ITGA9: variants seen among roughly 807,000 people sequenced by gnomAD.
ITGA9 encodes integrin subunit alpha 9.
In ITGA9, 56 loss-of-function variants were observed where a neutral mutation model predicts 127.8. The ratio of observed to expected loss-of-function variants is 0.44; its 90% CI spans 0.35 to 0.55. The LOEUF (loss-of-function observed/expected upper bound fraction) is 0.55. Ranked by LOEUF, ITGA9 falls within the 20% of genes least tolerant of loss-of-function variation. The pLI, the probability that ITGA9 is intolerant of heterozygous loss-of-function variation, is 0.00. For synonymous variants in ITGA9, 508 were observed against 514.5 expected, an observed-to-expected ratio of 0.99 and a Z score of 0.17; for missense variants, 1,196 against 1,347.1, an observed-to-expected ratio of 0.89 and a Z score of 1.76.
chr3:37,647,742 T>C lies in ITGA9; in HGVS notation c.1840-5972T>C, dbSNP rs145299346. ...ATCATACAATATTTTTCTTTCTTTT[T>C]GTGACTTGTTTCACTTAGCATAATG... is the stretch of plus-strand genomic sequence containing the variant. On this transcript the variant is annotated intron_variant, in intron 16 of 27. Coordinates refer to ENST00000264741, the MANE Select transcript of ITGA9 (RefSeq NM_002207.3). 8.5e-5 allele frequency among the ~76,000 whole-genome samples: 13 copies of C among 152,296 alleles called. No individual in the cohort carries two copies. In the East Asian group the frequency reaches 2.3e-3, roughly 27 times the overall value.
Position 37,452,219 on chromosome 3 carries a change from T to TCCGCGCCCCGGTGGCGGGCCCGACGC in ITGA9, c.-151_-126dup, listed in dbSNP as rs1192804270. ...CCTTCAGCGCCCGCTCAGCCCGCCG[T>TCCGCGCCCCGGTGGCGGGCCCGACGC]CCGCGCCCCGGTGGCGGGCCCGACG... On this transcript the variant is annotated 5_prime_UTR_variant, in exon 1 of 28. Transcript: ENST00000264741. The surrounding 1 kb of genome is among the most constrained non-coding windows in gnomAD (Gnocchi z 7.3). 7.0e-5 allele frequency: 15 copies of TCCGCGCCCCGGTGGCGGGCCCGACGC among 214,708 alleles called. No homozygotes were observed. Among genetic ancestry groups the TCCGCGCCCCGGTGGCGGGCCCGACGC allele is most frequent in the Admixed American group, 2.0e-4 (3 of 15,244 alleles). The allele number at this position is 214,708 out of a possible 1,614,324, so 13.3% of individuals were successfully genotyped here. A position where few individuals can be genotyped will look rare whatever the true frequency, so the allele number is the denominator to read the frequency against.
intron 13 of ITGA9, among the ~76,000 whole-genome samples, chr3:37,529,219 T>C (rs1368397193): frequency 6.6e-6 from 1 of 152,146 alleles, no homozygotes; most frequent in Non-Finnish European, 1.5e-5. Context: ...TTATCCCCAT[T>C]TTATGGGTGA....
intron 1 of ITGA9, among the ~76,000 whole-genome samples, chr3:37,462,681 AAGG>A (rs1367521452): frequency 6.6e-6 from 1 of 152,164 alleles, no homozygotes; most frequent in African/African-American, 2.4e-5. Context: ...TCTAAGGAAA[AAGG>A]AGAAGGGCCC....
intron 16 of ITGA9, among the ~76,000 whole-genome samples, chr3:37,637,208 A>G (rs1165687831): frequency 6.6e-6 from 1 of 152,094 alleles, no homozygotes; most frequent in African/African-American, 2.4e-5. Flanking sequence ...CATTGAATCT[A>G]TAAATTACCT....
intron 1 of ITGA9, among the ~76,000 whole-genome samples, chr3:37,455,816 G>C (rs942598176): frequency 6.6e-6 from 1 of 152,166 alleles, no homozygotes; most frequent in Non-Finnish European, 1.5e-5. Flanking sequence ...TAGGGGGAGA[G>C]CACAGACCCC....
chr3:37,803,618 C>T (rs1484108543), intron 26 of ITGA9, among the ~76,000 whole-genome samples: 1 of 152,094 alleles, frequency 6.6e-6, no homozygotes, highest in Admixed American at 6.6e-5. Flanking sequence ...AACCCTGTCT[C>T]TACTAAAAAT....
chr3:37,498,465 G>A lies in ITGA9; in HGVS notation c.612+3897G>A, dbSNP rs536476999. ...CAAGTCAGGCATTGGGCTGAGTGGA[G>A]GCAGGGAGTGGTAGGAGGAACCGGC... On this transcript the variant is annotated intron_variant, in intron 5 of 27. Coordinates refer to ENST00000264741, the MANE Select transcript of ITGA9 (RefSeq NM_002207.3). Among the ~76,000 whole-genome samples the A allele has an allele frequency of 2.0e-4, 30 of 152,346 alleles. No individual in the cohort carries two copies. The South Asian group carries it at 3.3e-3, about 17-fold the overall frequency.
Position 37,494,484 on chromosome 3 carries a change from T to C in ITGA9, c.545-17T>C. On this transcript the variant is annotated splice_polypyrimidine_tract_variant and intron_variant, in intron 4 of 27. Transcript: ENST00000264741. ...GACATGGCTGTGGTTTGCTTCTCTC[T>C]CCTTCCTTCCCCCTAGAGTATAAGA... 1.3e-6 allele frequency: 2 copies of C among 1,590,878 alleles called. No individual in the cohort carries two copies. The highest frequency in any genetic ancestry group is 1.7e-6 in the Non-Finnish European group (2 of 1,159,572).
intron 1 of ITGA9, 92 bp from the exon 2 acceptor site, chr3:37,470,915 A>G (rs533462020): frequency 3.2e-5 from 43 of 1,343,580 alleles, no homozygotes; most frequent in Non-Finnish European, 4.6e-5. Context: ...GAGCACTCAG[A>G]GAGCCCACCC....
intron 4 of ITGA9, among the ~76,000 whole-genome samples, chr3:37,491,167 G>C (rs555140): frequency 0.58 from 87,554 of 151,392 alleles, 25,691 homozygotes; most frequent in East Asian, 0.83. Flanking sequence ...GTAGAGATGG[G>C]GGTCTCACTT....
intron 16 of ITGA9, among the ~76,000 whole-genome samples, chr3:37,638,652 G>C (rs1700304047): frequency 6.6e-6 from 1 of 152,274 alleles, no homozygotes; most frequent in South Asian, 2.1e-4. Flanking sequence ...CATGTTGCCA[G>C]ATAACATTAG....
chr3:37,780,122 T>C (rs765335016), intron 25 of ITGA9, 101 bp downstream of exon 25: 78 of 1,418,014 alleles, frequency 5.5e-5, no homozygotes, highest in Non-Finnish European at 7.2e-5. Context: ...GCATTTGAAT[T>C]GGTGTCCTCA....
chr3:37,812,014 G>T (rs1697374389), intron 27 of ITGA9, among the ~76,000 whole-genome samples: 1 of 152,210 alleles, frequency 6.6e-6, no homozygotes, highest in South Asian at 2.1e-4. Context: ...TGTAAGGTTT[G>T]GCAACCCCTC....
intron 18 of ITGA9, among the ~76,000 whole-genome samples, chr3:37,686,443 G>A (rs925302664): frequency 7.9e-5 from 12 of 152,168 alleles, no homozygotes; most frequent in African/African-American, 2.7e-4. Context: ...CTGGAGGGAC[G>A]CAGGCGTGGT....
chr3:37,593,977 C>T (rs929785705), intron 15 of ITGA9, among the ~76,000 whole-genome samples: 4 of 152,238 alleles, frequency 2.6e-5, no homozygotes, highest in African/African-American at 9.6e-5. Context: ...CAGGCTGCCT[C>T]TTGCTCCTCC....
At chr3:37,750,112 A>G (rs1316619114) in intron 22 of ITGA9, among the ~76,000 whole-genome samples, 1 of 151,168 alleles carries the variant, frequency 6.6e-6, no homozygotes, top group South Asian at 2.1e-4. Context: ...GAAATTTGAG[A>G]ACCACTGGAC....
chr3:37,680,113 G>A (rs114462322), intron 17 of ITGA9, among the ~76,000 whole-genome samples: 1,628 of 152,210 alleles, frequency 0.011, 28 homozygotes, highest in African/African-American at 0.036. Flanking sequence ...GAGTTGCTGG[G>A]TTCTCATACC....
At chr3:37,501,209 G>A (rs1698783968) in intron 5 of ITGA9, among the ~76,000 whole-genome samples, 1 of 152,146 alleles carries the variant, frequency 6.6e-6, no homozygotes, top group African/African-American at 2.4e-5. Context: ...TAATCCAAAA[G>A]TAGGGATTCC....
chr3:37,771,896 G>A (rs1250836240), intron 23 of ITGA9, among the ~76,000 whole-genome samples: 1 of 152,052 alleles, frequency 6.6e-6, no homozygotes, highest in East Asian at 1.9e-4. Context: ...CACAGTAAGA[G>A]GAAAGGAAGC....
Sources: allele counts gnomAD v4.1 joint callset (sites outside exome capture counted in the v4.1 genomes callset), GRCh38; gene constraint gnomAD v4.1.1; non-coding constraint Gnocchi (gnomAD v3.1); transcripts MANE v1.5; gene names NCBI Gene and HGNC (gene_info 2026-07-23, HGNC 2026-07-21).